LAMA2: variants seen among roughly 807,000 people sequenced by gnomAD.
The protein encoded by LAMA2 is laminin subunit alpha-2.
A neutral mutation model predicts 364.8 loss-of-function variants in LAMA2; 269 were observed. The observed-to-expected ratio is 0.74, with a 90% CI of 0.67 to 0.82. The LOEUF is 0.82. LAMA2 is among the 40% of genes least tolerant of loss of function. LAMA2 has a pLI of 0.00. For missense variants in LAMA2, 3,807 were observed against 3,873.2 expected, an observed-to-expected ratio of 0.98 and a Z score of 0.45; for synonymous variants, 1,379 against 1,370.6, an observed-to-expected ratio of 1.01 and a Z score of -0.14.
intron 1 of LAMA2, among the ~76,000 whole-genome samples, chr6:128,897,359 G>A (rs1776837199): frequency 6.6e-6 from 1 of 152,106 alleles, no homozygotes; most frequent in African/African-American, 2.4e-5. Context: ...CTTGGAGATA[G>A]CAATGAATGA....
At chr6:129,263,795 A>C (rs969339386) in intron 15 of LAMA2, among the ~76,000 whole-genome samples, 1 of 152,162 alleles carries the variant, frequency 6.6e-6, no homozygotes, top group Non-Finnish European at 1.5e-5. Context: ...GCTGGAGTGC[A>C]GTGATGCTGT....
intron 27 of LAMA2, among the ~76,000 whole-genome samples, chr6:129,320,330 C>T (rs368379947): frequency 4.6e-5 from 7 of 151,974 alleles, no homozygotes; most frequent in East Asian, 1.9e-4. Flanking sequence ...AGAAAATCCC[C>T]GTACAAGTGA....
chr6:129,413,192 A>G (rs900780163), intron 40 of LAMA2, among the ~76,000 whole-genome samples: 3 of 152,146 alleles, frequency 2.0e-5, no homozygotes, highest in Admixed American at 6.5e-5. Context: ...AATTTTTTTA[A>G]AAGAATTATT....
rs553221833 is a variant in LAMA2, at chr6:129,098,274, G to A, written c.498G>A (p.Trp166Ter). 1.9e-6 allele frequency: 3 copies of A among 1,614,060 alleles called. No homozygotes were observed. Among genetic ancestry groups the A allele is most frequent in the Admixed American group, 1.7e-5 (1 of 60,012 alleles). Residue 166 changes from tryptophan (W) to a stop codon, truncating the protein, a stop_gained, in exon 4 of 65, where the codon TGG becomes TGA. Coordinates refer to ENST00000421865, the MANE Select transcript of LAMA2 (RefSeq NM_000426.4). LOFTEE classifies it high-confidence loss of function. ...TTGATGATGTTGAATACAAGCCCTGGCAGTATCATGCTGTGACAGACACGG... is the reference window on the plus strand; with the variant it reads ...TTGATGATGTTGAATACAAGCCCTGACAGTATCATGCTGTGACAGACACGG... ...RSLDDVEYKP[W>*]QYHAVTDTEC...
intron 49 of LAMA2, among the ~76,000 whole-genome samples, chr6:129,462,418 T>A (rs80259516): frequency 0.022 from 3,380 of 152,062 alleles, 45 homozygotes; most frequent in Non-Finnish European, 0.033. Flanking sequence ...CTCGGAAATG[T>A]TCGTGGCCCA....
intron 1 of LAMA2, among the ~76,000 whole-genome samples, chr6:128,888,825 T>C (rs1776289657): frequency 6.6e-6 from 1 of 152,230 alleles, no homozygotes; most frequent in Non-Finnish European, 1.5e-5. Context: ...GTTAAATAAA[T>C]GAATAAAATC....
intron 58 of LAMA2, among the ~76,000 whole-genome samples, chr6:129,496,357 G>T (rs1785193592): frequency 1.3e-5 from 2 of 152,096 alleles, no homozygotes; most frequent in South Asian, 4.1e-4. Context: ...GTAGAGACGG[G>T]ATTTCTCCAT....
intron 3 of LAMA2, among the ~76,000 whole-genome samples, chr6:129,073,244 T>C (rs569065893): frequency 4.2e-4 from 64 of 152,178 alleles, no homozygotes; most frequent in Non-Finnish European, 3.8e-4. Context: ...GAAAGTCTTA[T>C]TGCTGGTTCT....
intron 47 of LAMA2, among the ~76,000 whole-genome samples, chr6:129,455,331 T>A (rs145644380): frequency 5.3e-5 from 8 of 152,200 alleles, no homozygotes; most frequent in African/African-American, 1.9e-4. Flanking sequence ...TGTGCATGTG[T>A]GAGAGAGAGT....
intron 12 of LAMA2, among the ~76,000 whole-genome samples, chr6:129,215,304 T>C (rs537302403): frequency 6.6e-6 from 1 of 152,314 alleles, no homozygotes; most frequent in South Asian, 2.1e-4. Flanking sequence ...CAAGAGATTA[T>C]TCAAAATCAG....
intron 12 of LAMA2, among the ~76,000 whole-genome samples, chr6:129,220,708 G>C (rs1783765886): frequency 6.6e-6 from 1 of 152,026 alleles, no homozygotes; most frequent in Non-Finnish European, 1.5e-5. Context: ...AAATTTATTA[G>C]CCAAATTTCA....
Position 128,943,473 on chromosome 6 carries a change from G to T in LAMA2, c.112+60116G>T, listed in dbSNP as rs201046207. Among the ~76,000 whole-genome samples the T allele has an allele frequency of 9.1e-4, 130 of 142,112 alleles. 3 individuals carry two copies. In the East Asian group the frequency reaches 0.023, roughly 25 times the overall value. The allele number at this position is 142,112 out of a possible 152,430, so 93.2% of individuals were successfully genotyped here. On this transcript the variant is annotated intron_variant, in intron 1 of 64. Coordinates refer to ENST00000421865, the MANE Select transcript of LAMA2 (RefSeq NM_000426.4). ...TAGTTATTGTACTTTTTTTTTTTTT[G>T]AAGAGACAGGGTTTTGCTGTGTTGC...
At chr6:129,292,437 A>C (rs1307484615) in intron 20 of LAMA2, among the ~76,000 whole-genome samples, 1 of 152,264 alleles carries the variant, frequency 6.6e-6, no homozygotes, top group Non-Finnish European at 1.5e-5. Flanking sequence ...TCCTGTGAGC[A>C]GTCTACCTAA....
At chr6:128,908,420 C>A (rs1316804073) in intron 1 of LAMA2, among the ~76,000 whole-genome samples, 8 of 149,284 alleles carry the variant, frequency 5.4e-5, no homozygotes, top group Admixed American at 1.3e-4. Context: ...AGTTTATTTG[C>A]GTAGAGGTGT....
chr6:129,302,709 G>T (rs1162685737), intron 22 of LAMA2, among the ~76,000 whole-genome samples: 1 of 151,926 alleles, frequency 6.6e-6, no homozygotes, highest in Non-Finnish European at 1.5e-5. Context: ...AACATTATTT[G>T]TTGAAAAGAC....
intron 19 of LAMA2, 81 bp from the exon 20 acceptor site, chr6:129,291,533 T>G: frequency 9.5e-6 from 9 of 943,282 alleles, no homozygotes; most frequent in Non-Finnish European, 1.5e-5. Context: ...CATGTTACCA[T>G]GTGGGGTATA....
At chr6:129,371,717 C>G (rs1327595521) in intron 34 of LAMA2, among the ~76,000 whole-genome samples, 3 of 151,696 alleles carry the variant, frequency 2.0e-5, no homozygotes, top group African/African-American at 7.3e-5. Context: ...AGTGATTTTC[C>G]TGCCTCAGCC....
At chr6:128,961,354 T>TATATATATTATATATATATATA (rs1562873130) in intron 1 of LAMA2, among the ~76,000 whole-genome samples, 1 of 77,624 alleles carries the variant, frequency 1.3e-5, no homozygotes, top group African/African-American at 4.6e-5. Flanking sequence ...TATATATATA[T>TATATATATTATATATATATATA]ATATATATAT....
In LAMA2 at chr6:129,514,473, C is replaced by G; in HGVS notation, c.9089C>G (p.Ala3030Gly). The change falls in exon 64 of 65, where the codon GCC becomes GGC. Residue 3030 changes from alanine to glycine, a missense_variant. Physicochemically the swap from Ala to Gly is moderately conservative, Grantham distance 60. Coordinates refer to ENST00000421865, the MANE Select transcript of LAMA2 (RefSeq NM_000426.4). ...GATGGACAATGGCATAAAGTCACTG[C>G]CAACAAGATCAAACACCGCATTGAG... ...LCDGQWHKVT[A>G]NKIKHRIELT... The G allele has an allele frequency of 6.2e-7, 1 of 1,614,050 alleles. No individual in the cohort carries two copies. Among genetic ancestry groups the G allele is most frequent in the South Asian group, 1.1e-5 (1 of 91,084 alleles).
Sources: gnomAD v4.1 joint callset for allele counts (sites outside exome capture counted in the v4.1 genomes callset) on GRCh38, gnomAD v4.1.1 for gene constraint, MANE v1.5 for transcripts, NCBI Gene and HGNC (gene_info 2026-07-23, HGNC 2026-07-21) for gene names.